Variants in NCAM2 observed in about 807,000 individuals in gnomAD.
NCAM2 encodes the protein neural cell adhesion molecule 2.
NCAM2 carries 30 observed loss-of-function variants against 98.1 expected under a neutral mutation model. That is an observed-to-expected ratio of 0.31 (90% CI 0.23 to 0.41). The LOEUF (loss-of-function observed/expected upper bound fraction) is 0.41, where lower values mean the gene tolerates loss of function less well. Ranked by LOEUF, NCAM2 falls within the 10% of genes least tolerant of loss-of-function variation. The pLI is 1.00. For synonymous variants in NCAM2, 368 were observed against 342.4 expected (o/e 1.07, Z -0.83); for missense variants, 867 against 1,005.8 (o/e 0.86, Z 1.87).
At chr21:21,076,138 A>G (rs1171359800) in intron 1 of NCAM2, among the ~76,000 whole-genome samples, 1 of 151,526 alleles carries the variant, frequency 6.6e-6, no homozygotes, top group Non-Finnish European at 1.5e-5. Flanking sequence ...AAAGAATATG[A>G]CCATAAAAAT....
At chr21:21,341,335 G>T (rs899193587) in intron 8 of NCAM2, among the ~76,000 whole-genome samples, 9 of 151,968 alleles carry the variant, frequency 5.9e-5, no homozygotes, top group African/African-American at 1.9e-4. Context: ...GCAGCCCAGG[G>T]CATAGGAATG....
rs2075747735 is a variant in NCAM2, at chr21:21,364,933, T to C, written c.1045-8930T>C. On this transcript the variant is annotated intron_variant, in intron 8 of 17. Transcript: ENST00000400546. ...AGCAACAACAAAACAAAATGTACAA[T>C]GTGATGGGCAGCACATTGATCCCCA... 2.0e-5 allele frequency among the ~76,000 whole-genome samples: 3 copies of C among 152,030 alleles called. No homozygotes were observed. The South Asian group carries it at 6.2e-4, about 31-fold the overall frequency.
At chr21:21,404,047 G>T (rs937141354) in intron 9 of NCAM2, among the ~76,000 whole-genome samples, 1 of 152,018 alleles carries the variant, frequency 6.6e-6, no homozygotes. Flanking sequence ...AATAATTGAT[G>T]TTGTTTTATG....
chr21:21,197,819 G>T (rs1294322751), intron 1 of NCAM2, among the ~76,000 whole-genome samples: 1 of 152,188 alleles, frequency 6.6e-6, no homozygotes. Context: ...CAACTACTGA[G>T]GGGGTTGGGA....
chr21:21,070,529 A>C (rs752490495), intron 1 of NCAM2, among the ~76,000 whole-genome samples: 14 of 152,102 alleles, frequency 9.2e-5, no homozygotes, highest in Non-Finnish European at 1.6e-4. Flanking sequence ...GAAGGCAAGA[A>C]AGTAAGGAAA....
chr21:21,444,749 G>T (rs924864013), intron 12 of NCAM2, among the ~76,000 whole-genome samples: 2 of 151,892 alleles, frequency 1.3e-5, no homozygotes, highest in African/African-American at 4.8e-5. Context: ...ACTAGTTAGT[G>T]GTCTATCTAT....
chr21:21,128,289 A>T (rs889770596), intron 1 of NCAM2, among the ~76,000 whole-genome samples: 1 of 151,966 alleles, frequency 6.6e-6, no homozygotes, highest in Admixed American at 6.6e-5. Flanking sequence ...AATAAGATAA[A>T]GTCTCTCTTT....
intron 1 of NCAM2, among the ~76,000 whole-genome samples, chr21:21,204,756 T>C (rs188232412): frequency 6.6e-6 from 1 of 152,302 alleles, no homozygotes; most frequent in Admixed American, 6.5e-5. Context: ...AATTGGGCTA[T>C]TGCCAATTTA....
At chr21:21,474,384 TAC>T (rs1033220601) in intron 14 of NCAM2, among the ~76,000 whole-genome samples, 4 of 152,094 alleles carry the variant, frequency 2.6e-5, no homozygotes, top group Non-Finnish European at 1.5e-5. Flanking sequence ...ATTGTTAATT[TAC>T]AAGAGACTGC....
chr21:21,165,360 T>C (rs1289049864), intron 1 of NCAM2, among the ~76,000 whole-genome samples: 2 of 152,142 alleles, frequency 1.3e-5, no homozygotes, highest in Non-Finnish European at 2.9e-5. Context: ...TCTAGACTGA[T>C]TGAGCTACTC....
chr21:21,378,929 T>G, intron 9 of NCAM2, among the ~76,000 whole-genome samples: 1 of 151,710 alleles, frequency 6.6e-6, no homozygotes, highest in Admixed American at 6.6e-5. Context: ...TTTATTAAAT[T>G]TATCAAACTG....
intron 1 of NCAM2, among the ~76,000 whole-genome samples, chr21:21,080,634 T>C (rs1390451563): frequency 2.3e-5 from 1 of 42,862 alleles, no homozygotes. Context: ...AAAGACTTCC[T>C]AAGTTGGAAT....
At chr21:21,528,965 A>G (rs1300403402) in intron 16 of NCAM2, among the ~76,000 whole-genome samples, 1 of 152,180 alleles carries the variant, frequency 6.6e-6, no homozygotes, top group Non-Finnish European at 1.5e-5. Context: ...CTGGGAAACA[A>G]ATGGCACACA....
intron 15 of NCAM2, among the ~76,000 whole-genome samples, chr21:21,481,229 G>A (rs1242047500): frequency 1.3e-5 from 2 of 152,072 alleles, no homozygotes; most frequent in African/African-American, 2.4e-5. Flanking sequence ...AGAGTAGAAA[G>A]AAGTTAAGAA....
At chr21:21,081,975 C>T (rs1410780449) in intron 1 of NCAM2, among the ~76,000 whole-genome samples, 2 of 151,758 alleles carry the variant, frequency 1.3e-5, no homozygotes. Flanking sequence ...CGGTGGCTCA[C>T]GGCTGTAATC....
intron 15 of NCAM2, among the ~76,000 whole-genome samples, chr21:21,495,786 T>C (rs1349614453): frequency 6.6e-6 from 1 of 151,916 alleles, no homozygotes; most frequent in African/African-American, 2.4e-5. Context: ...GGGAACCTGA[T>C]TCTTATTTTC....
intron 1 of NCAM2, among the ~76,000 whole-genome samples, chr21:21,032,944 CTTTTTTTTTTTT>C (rs61400853): frequency 0.11 from 16,528 of 148,662 alleles, 1,112 homozygotes; most frequent in Middle Eastern, 0.14. Flanking sequence ...TTCTTTCTTT[CTTTTTTTTTTTT>C]TTTTTGAGAC....
chr21:21,143,701 G>C (rs553961345), intron 1 of NCAM2, among the ~76,000 whole-genome samples: 9 of 150,156 alleles, frequency 6.0e-5, no homozygotes, highest in Admixed American at 6.0e-4. Context: ...CTATTTTGGC[G>C]CCTTGGTTTT....
In NCAM2 at chr21:21,479,228, CA is replaced by C. The variant is rs539716878; in HGVS notation, c.2077+1764del. 1.5e-3 allele frequency among the ~76,000 whole-genome samples: 222 copies of C among 151,652 alleles called. 1 individual carries two copies. Among genetic ancestry groups the C allele is most frequent in the African/African-American group, 5.1e-3 (210 of 41,336 alleles). ...TAATAACATAGATAAAACATAAAAT[CA>C]AAAAAATAGATTTTACACAGATTAC... On this transcript the variant is annotated intron_variant, in intron 15 of 17. Coordinates refer to ENST00000400546, the MANE Select transcript of NCAM2 (RefSeq NM_004540.5).
Sources: gnomAD v4.1 joint callset for allele counts (sites outside exome capture counted in the v4.1 genomes callset) on GRCh38, gnomAD v4.1.1 for gene constraint, MANE v1.5 for transcripts, NCBI Gene and HGNC (gene_info 2026-07-23, HGNC 2026-07-21) for gene names.